Variants in FAF1 observed in about 807,000 individuals in gnomAD.
FAF1 encodes FAS-associated factor 1.
Under a neutral mutation model 92.5 loss-of-function variants are expected in FAF1, and 25 were observed. The observed-to-expected ratio is 0.27, with a 90% confidence interval of 0.20 to 0.38. FAF1 has a LOEUF of 0.38. FAF1 is among the 10% of genes least tolerant of loss of function. FAF1 has a pLI of 1.00. For missense variants in FAF1, 636 were observed against 793.3 expected (o/e 0.80, Z 2.38); for synonymous variants, 234 against 273.2 (o/e 0.86, Z 1.42).
chr1:50,822,321 A>G (rs1644050420), intron 2 of FAF1, among the ~76,000 whole-genome samples: 1 of 152,200 alleles, frequency 6.6e-6, no homozygotes, highest in East Asian at 1.9e-4. Flanking sequence ...ACAAGGGAAT[A>G]TGAGGCAGAT....
At chr1:50,829,144 TG>T (rs1644130875) in intron 2 of FAF1, among the ~76,000 whole-genome samples, 1 of 152,118 alleles carries the variant, frequency 6.6e-6, no homozygotes, top group African/African-American at 2.4e-5. Flanking sequence ...GTAGAGCAAC[TG>T]GAACTCTCAA....
intron 7 of FAF1, among the ~76,000 whole-genome samples, chr1:50,674,629 T>G (rs1349690549): frequency 5.3e-5 from 8 of 152,186 alleles, no homozygotes; most frequent in African/African-American, 1.9e-4. Context: ...TTTGATCATA[T>G]TTTATTTTTT....
rs140004010 is a variant in FAF1, at chr1:50,576,501, T to C, written c.1113+6117A>G. ...CCTGCCATTGAGATTTTTATTCCTGTTGATTTTTAGTTACTATAAATGTCT... is the reference window on the plus strand; with the variant it reads ...CCTGCCATTGAGATTTTTATTCCTGCTGATTTTTAGTTACTATAAATGTCT... On this transcript the variant is annotated intron_variant, in intron 12 of 18. Transcript: ENST00000396153. Among the ~76,000 whole-genome samples, 302 of 152,330 alleles carry C rather than the reference T, an allele frequency of 2.0e-3. 1 individual carries two copies. The highest frequency in any genetic ancestry group is 7.0e-3 in the African/African-American group (290 of 41,568).
chr1:50,640,045 T>C (rs1654249180), intron 8 of FAF1, among the ~76,000 whole-genome samples: 1 of 152,128 alleles, frequency 6.6e-6, no homozygotes. Context: ...GTACTATTCT[T>C]TTTATTTACT....
intron 8 of FAF1, among the ~76,000 whole-genome samples, chr1:50,637,997 A>G (rs530766800): frequency 3.0e-4 from 46 of 152,010 alleles, no homozygotes; most frequent in African/African-American, 1.1e-3. Context: ...ATTATTTGCC[A>G]TTTTCAATGT....
intron 10 of FAF1, among the ~76,000 whole-genome samples, chr1:50,584,088 C>A (rs1261948990): frequency 1.3e-5 from 2 of 152,082 alleles, no homozygotes; most frequent in African/African-American, 4.8e-5. Context: ...TTAAAGACTT[C>A]ATTAATTGGG....
intron 12 of FAF1, among the ~76,000 whole-genome samples, chr1:50,579,495 A>G (rs1650895846): frequency 6.6e-6 from 1 of 152,290 alleles, no homozygotes; most frequent in South Asian, 2.1e-4. Context: ...TCTTTCAAAC[A>G]TATTTATGTC....
At chr1:50,861,393 A>C (rs1028944911) in intron 1 of FAF1, among the ~76,000 whole-genome samples, 22 of 151,846 alleles carry the variant, frequency 1.4e-4, no homozygotes, top group African/African-American at 4.8e-4. Context: ...TCATGATAGG[A>C]TTAGTGCCCT....
At chr1:50,848,035 A>G (rs1275376633) in intron 2 of FAF1, among the ~76,000 whole-genome samples, 1 of 152,216 alleles carries the variant, frequency 6.6e-6, no homozygotes, top group African/African-American at 2.4e-5. Context: ...AAACTTCCCC[A>G]AACAAAAAAC....
intron 15 of FAF1, among the ~76,000 whole-genome samples, chr1:50,530,238 GGTGTGTGTGT>G (rs72220248): frequency 1.1e-3 from 150 of 141,654 alleles, no homozygotes; most frequent in African/African-American, 1.4e-3. Flanking sequence ...TTTAAGAAGT[GGTGTGTGTGT>G]GTGTGTGTGT....
chr1:50,689,442 G>A (rs1252661689), intron 7 of FAF1, among the ~76,000 whole-genome samples: 1 of 152,068 alleles, frequency 6.6e-6, no homozygotes, highest in Non-Finnish European at 1.5e-5. Flanking sequence ...AAATTGGCCA[G>A]GCATGGTGGC....
At chr1:50,761,377 C>T (rs1319359595) in intron 4 of FAF1, among the ~76,000 whole-genome samples, 2 of 152,130 alleles carry the variant, frequency 1.3e-5, no homozygotes, top group African/African-American at 2.4e-5. Flanking sequence ...CAGGCAGAGA[C>T]ACAACCAAAA....
intron 18 of FAF1, among the ~76,000 whole-genome samples, chr1:50,463,676 G>C (rs750764105): frequency 6.6e-6 from 1 of 152,186 alleles, no homozygotes; most frequent in Non-Finnish European, 1.5e-5. Flanking sequence ...TCTGCACAAG[G>C]TCTGGCGTGG....
intron 2 of FAF1, among the ~76,000 whole-genome samples, chr1:50,810,455 C>T (rs1048133136): frequency 6.6e-6 from 1 of 152,120 alleles, no homozygotes; most frequent in African/African-American, 2.4e-5. Context: ...CCATCTATGA[C>T]AAATCCATAG....
At chr1:50,761,756 G>C (rs1226232738) in intron 4 of FAF1, among the ~76,000 whole-genome samples, 4 of 152,082 alleles carry the variant, frequency 2.6e-5, no homozygotes, top group Non-Finnish European at 4.4e-5. Context: ...AAAACTGGAA[G>C]CATTCCCTTT....
intron 1 of FAF1, among the ~76,000 whole-genome samples, chr1:50,863,965 T>G (rs1644457999): frequency 6.6e-6 from 1 of 152,082 alleles, no homozygotes; most frequent in Non-Finnish European, 1.5e-5. Flanking sequence ...TATCCATTTC[T>G]TCTAGATTTT....
chr1:50,643,646 G>A (rs1240794249), intron 8 of FAF1, among the ~76,000 whole-genome samples: 1 of 152,164 alleles, frequency 6.6e-6, no homozygotes, highest in African/African-American at 2.4e-5. Flanking sequence ...AGGCTAGAGT[G>A]CAGTGGCACG....
intron 18 of FAF1, among the ~76,000 whole-genome samples, chr1:50,466,093 G>A (rs754295838): frequency 1.3e-5 from 2 of 152,196 alleles, no homozygotes; most frequent in Non-Finnish European, 2.9e-5. Flanking sequence ...GATCACAGAT[G>A]GAGGCAGAGG....
At chr1:50,627,242 G>C (rs1219896859) in intron 8 of FAF1, among the ~76,000 whole-genome samples, 1 of 152,116 alleles carries the variant, frequency 6.6e-6, no homozygotes, top group Non-Finnish European at 1.5e-5. Flanking sequence ...GAGAAGACAT[G>C]AGTACATGGA....
Sources: allele counts gnomAD v4.1 joint callset (sites outside exome capture counted in the v4.1 genomes callset), GRCh38; gene constraint gnomAD v4.1.1; transcripts MANE v1.5; gene names NCBI Gene and HGNC (gene_info 2026-07-23, HGNC 2026-07-21).